Variants in APC observed in about 807,000 individuals in gnomAD.
The protein encoded by APC is adenomatous polyposis coli protein.
APC carries 72 observed loss-of-function variants against 247.0 expected under a neutral mutation model. The observed-to-expected ratio is 0.29, with a 90% CI of 0.24 to 0.35. The LOEUF is 0.35. APC is among the 10% of genes least tolerant of loss of function. APC has a pLI of 1.00. For missense variants in APC, 3,400 were observed against 3,360.7 expected (o/e 1.01, Z -0.29); for synonymous variants, 1,254 against 1,162.5 (o/e 1.08, Z -1.60).
rs745906761 is a variant in APC, at chr5:112,768,574, T to A, written c.422+1184T>A. ...GTACATTTCATGGGGTACATAGTGA[T>A]GTTTCTACACATATAATTTATTGCA... On this transcript the variant is annotated intron_variant, in intron 4 of 15. Coordinates refer to ENST00000257430, the MANE Select transcript of APC (RefSeq NM_000038.6). Among the ~76,000 whole-genome samples the A allele has an allele frequency of 5.8e-4, 88 of 152,006 alleles. 1 individual carries two copies. Among genetic ancestry groups the A allele is most frequent in the Admixed American group, 1.0e-3 (16 of 15,258 alleles).
rs1038218962 is a variant in APC, at chr5:112,837,495, T to A, written c.1959-58T>A. On this transcript the variant is annotated intron_variant, in intron 15 of 15. Transcript: ENST00000257430. ...GCCTTTTGTCTTCTATCCTTTTATT[T>A]GTTGTTACTGCATACACATTGTGAC... is the stretch of plus-strand genomic sequence containing the variant. 1.8e-5 allele frequency: 23 copies of A among 1,282,176 alleles called. No individual in the cohort carries two copies. The East Asian group carries it at 5.4e-4, about 30-fold the overall frequency. 79.4% of individuals were successfully genotyped at this position (1,282,176 alleles called of 1,614,324 possible).
chr5:112,711,581 A>G (rs1345874966), intron 1 of APC, among the ~76,000 whole-genome samples: 2 of 152,240 alleles, frequency 1.3e-5, no homozygotes, highest in African/African-American at 2.4e-5. Flanking sequence ...AAGCTGGGCC[A>G]TGGTGTCTCA....
chr5:112,730,184 T>C (rs1481150716), intron 1 of APC, among the ~76,000 whole-genome samples: 1 of 152,240 alleles, frequency 6.6e-6, no homozygotes, highest in Non-Finnish European at 1.5e-5. Flanking sequence ...TGAGTTTTCT[T>C]ATTTTTACCT....
At chr5:112,824,039 TAAAAC>T (rs979077222) in intron 11 of APC, among the ~76,000 whole-genome samples, 3 of 152,206 alleles carry the variant, frequency 2.0e-5, no homozygotes, top group South Asian at 2.1e-4. Flanking sequence ...CTAAACCAAA[TAAAAC>T]AAAAGCAATA....
intron 14 of APC, 129 bp from the exon 15 acceptor site, chr5:112,834,821 TA>T (rs1764681732): frequency 1.3e-6 from 1 of 797,554 alleles, no homozygotes; most frequent in South Asian, 1.5e-5. Flanking sequence ...GGAAAGTTCT[TA>T]ATTTACCAGT....
chr5:112,751,426 T>G (rs1430067615), intron 1 of APC, among the ~76,000 whole-genome samples: 1 of 152,062 alleles, frequency 6.6e-6, no homozygotes, highest in Non-Finnish European at 1.5e-5. Flanking sequence ...TAAGTTAGCT[T>G]AGGGAGAAAT....
intron 4 of APC, among the ~76,000 whole-genome samples, chr5:112,773,425 C>T (rs1384730345): frequency 6.6e-6 from 1 of 152,096 alleles, no homozygotes; most frequent in Non-Finnish European, 1.5e-5. Context: ...TTACAGTTGA[C>T]CCTTGAACAA....
chr5:112,811,037 AC>A (rs34581153), intron 8 of APC, among the ~76,000 whole-genome samples: 21 of 152,180 alleles, frequency 1.4e-4, no homozygotes, highest in East Asian at 5.8e-4. Context: ...ACACACACAC[AC>A]AAAAAAAGAA....
intron 7 of APC, among the ~76,000 whole-genome samples, chr5:112,794,863 G>T (rs555232550): frequency 6.6e-6 from 1 of 152,220 alleles, no homozygotes; most frequent in South Asian, 2.1e-4. Flanking sequence ...CTATACTTAG[G>T]ATTAACAGTT....
chr5:112,844,322 A>C lies in APC; in HGVS notation c.*196A>C. 1 of 592,042 alleles carries C rather than the reference A, an allele frequency of 1.7e-6. No homozygotes were observed. Among genetic ancestry groups the C allele is most frequent in the Non-Finnish European group, 2.9e-6 (1 of 342,936 alleles). The allele number at this position is 592,042 out of a possible 1,614,324, so 36.7% of individuals were successfully genotyped here. ...GGTCTTATTTTGGGAGGCACTCTTG[A>C]TGGTTAGGAAAAAAATAGTAAAGCC... On this transcript the variant is annotated 3_prime_UTR_variant, in exon 16 of 16. Transcript: ENST00000257430.
At chr5:112,793,813 G>GT (rs1759907538) in intron 7 of APC, among the ~76,000 whole-genome samples, 1 of 152,092 alleles carries the variant, frequency 6.6e-6, no homozygotes, top group Admixed American at 6.6e-5. Context: ...CTAACATCAT[G>GT]TATAAGAATA....
intron 6 of APC, among the ~76,000 whole-genome samples, chr5:112,789,589 A>G (rs1311656021): frequency 6.6e-6 from 1 of 152,152 alleles, no homozygotes; most frequent in African/African-American, 2.4e-5. Context: ...TAAATATTAA[A>G]AATTTTTATT....
chr5:112,780,769 T>G, intron 5 of APC, 21 bp from the exon 6 acceptor site: 1 of 1,528,926 alleles, frequency 6.5e-7, no homozygotes, highest in Non-Finnish European at 9.0e-7. Flanking sequence ...ATTGATACTT[T>G]TTTATTATTT....
rs773776516 is a variant in APC, at chr5:112,841,488, A to G, written c.5894A>G (p.His1965Arg). Residue 1965 changes from histidine to arginine, a missense_variant, in exon 16 of 16, where the codon CAT becomes CGT. By Grantham distance (29) the His-to-Arg change is conservative. Coordinates refer to ENST00000257430, the MANE Select transcript of APC (RefSeq NM_000038.6). The surrounding 1 kb of genome is among the most constrained non-coding windows in gnomAD (Gnocchi z 4.6). ...GAAAATACTCCGGTTTGCTTTTCTC[A>G]TAATTCCTCTCTGAGTTCTCTCAGT... is the stretch of plus-strand genomic sequence containing the variant. Reference protein sequence around the residue: ...AIENTPVCFSHNSSLSSLSDI... With the variant: ...AIENTPVCFSRNSSLSSLSDI... 1.5e-5 allele frequency: 24 copies of G among 1,613,728 alleles called. No individual in the cohort carries two copies. The highest frequency in any genetic ancestry group is 1.9e-5 in the Non-Finnish European group (23 of 1,179,632).
intron 15 of APC, among the ~76,000 whole-genome samples, chr5:112,837,024 C>A (rs952970101): frequency 6.6e-6 from 1 of 152,094 alleles, no homozygotes; most frequent in African/African-American, 2.4e-5. Context: ...AGAAGGATGG[C>A]AGTATCACAA....
rs1488176769 is a variant in APC at position 112,707,865 on chromosome 5, T to G, written c.148T>G (p.Trp50Gly). The G allele has an allele frequency of 7.3e-7, 1 of 1,369,312 alleles. No homozygotes were observed. The highest frequency in any genetic ancestry group is 9.6e-7 in the Non-Finnish European group (1 of 1,038,182). The allele number at this position is 1,369,312 out of a possible 1,614,324, so 84.8% of individuals were successfully genotyped here. The change falls in exon 1 of 14, where the codon TGG (tryptophan) becomes GGG (glycine). Residue 50 changes from tryptophan (W) to glycine (G), a missense_variant. By Grantham distance (184) the Trp-to-Gly change is radical. Coordinates refer to the APC transcript ENST00000507379. The stretch of plus-strand genomic sequence containing the variant: ...GGGCGGCGCTCGTACTTCTGGCCAC[T>G]GGGCGAGCGTCTGGCAGGTGAGTGA...
At chr5:112,760,700 G>A (rs911355529) in intron 2 of APC, among the ~76,000 whole-genome samples, 1 of 152,184 alleles carries the variant, frequency 6.6e-6, no homozygotes, top group African/African-American at 2.4e-5. Flanking sequence ...TAACTGCTGA[G>A]GAGATGGAGA....
intron 1 of APC, among the ~76,000 whole-genome samples, chr5:112,752,544 A>G (rs986618730): frequency 6.6e-6 from 1 of 152,198 alleles, no homozygotes; most frequent in Non-Finnish European, 1.5e-5. Flanking sequence ...TGCTCTCAGT[A>G]AAGTGAAAGA....
intron 8 of APC, among the ~76,000 whole-genome samples, chr5:112,808,083 A>G (rs1761602419): frequency 6.6e-6 from 1 of 152,132 alleles, no homozygotes; most frequent in Non-Finnish European, 1.5e-5. Context: ...TGAATCCAGG[A>G]GGCAGAGGTT....
Sources: gnomAD v4.1 joint callset for allele counts (sites outside exome capture counted in the v4.1 genomes callset) on GRCh38, gnomAD v4.1.1 for gene constraint, Gnocchi (gnomAD v3.1) non-coding constraint, MANE v1.5 for transcripts, NCBI Gene and HGNC (gene_info 2026-07-23, HGNC 2026-07-21) for gene names.